The following MYO1B variants were observed in gnomAD, a reference collection of about 807,000 sequenced individuals.
MYO1B encodes the protein myosin IB.
In MYO1B, 72 loss-of-function variants were observed where a neutral mutation model predicts 159.7. The observed-to-expected ratio is 0.45, with a 90% CI of 0.37 to 0.55. MYO1B has a LOEUF of 0.55. Ranked by LOEUF, MYO1B falls within the 20% of genes least tolerant of loss-of-function variation. The probability of loss-of-function intolerance (pLI) is 0.00; values close to 1 mark genes in which losing one functional copy is unlikely to be tolerated. For missense variants in MYO1B, 1,062 were observed against 1,364.8 expected (o/e 0.78, Z 3.50); for synonymous variants, 468 against 473.8 (o/e 0.99, Z 0.16).
chr2:191,293,390 G>A (rs1688796056), intron 2 of MYO1B, among the ~76,000 whole-genome samples: 1 of 152,202 alleles, frequency 6.6e-6, no homozygotes, highest in South Asian at 2.1e-4. Flanking sequence ...CAGACCACAA[G>A]AGAGGGTTCT....
chr2:191,398,421 T>TG (rs1424689284), intron 21 of MYO1B, among the ~76,000 whole-genome samples: 1 of 39,440 alleles, frequency 2.5e-5, no homozygotes, highest in Non-Finnish European at 1.1e-4. Flanking sequence ...GGCGGGGGGC[T>TG]GACCCCCCCC....
chr2:191,273,923 C>T (rs1168772004), intron 1 of MYO1B, among the ~76,000 whole-genome samples: 1 of 152,166 alleles, frequency 6.6e-6, no homozygotes, highest in Non-Finnish European at 1.5e-5. Context: ...ACAAATGGAT[C>T]CTTTTGGTGG....
At chr2:191,296,302 C>A (rs59993342) in intron 3 of MYO1B, 76 bp downstream of exon 3, 14 of 668,012 alleles carry the variant, frequency 2.1e-5, no homozygotes, top group South Asian at 5.2e-5. Context: ...GCAGCTGTCT[C>A]CTTTGAATTT....
intron 16 of MYO1B, among the ~76,000 whole-genome samples, chr2:191,386,659 A>T (rs1695416014): frequency 6.6e-6 from 1 of 152,136 alleles, no homozygotes; most frequent in Non-Finnish European, 1.5e-5. Flanking sequence ...TTTTCATAAA[A>T]TTGCAAACTT....
Position 191,424,504 on chromosome 2 carries a change from C to A in MYO1B, c.*544C>A, listed in dbSNP as rs1698123721. The A allele has an allele frequency of 6.6e-6, 1 of 152,294 alleles. No homozygotes were observed. The highest frequency in any genetic ancestry group is 1.9e-4 in the East Asian group (1 of 5,202). The allele number at this position is 152,294 out of a possible 1,614,324, so 9.4% of individuals were successfully genotyped here. A position where few individuals can be genotyped will look rare whatever the true frequency, so the allele number is the denominator to read the frequency against. On this transcript the variant is annotated 3_prime_UTR_variant, in exon 31 of 31. Transcript: ENST00000392318. The stretch of plus-strand genomic sequence containing the variant: ...TAATGATGGACAGCATTATTAGGAA[C>A]CCTGTAGTATGATATTTAACAATAT...
At chr2:191,350,593 A>G (rs1281590752) in intron 7 of MYO1B, among the ~76,000 whole-genome samples, 8 of 152,042 alleles carry the variant, frequency 5.3e-5, no homozygotes, top group Non-Finnish European at 2.9e-5. Context: ...TAAAAAAAAT[A>G]TAAATAATTG....
At chr2:191,396,375 A>G (rs1696071304) in intron 20 of MYO1B, 54 bp from the exon 21 acceptor site, 14 of 1,560,868 alleles carry the variant, frequency 9.0e-6, no homozygotes, top group Admixed American at 3.3e-5. Flanking sequence ...CAATCCTTGT[A>G]TGCGTTACAG....
In MYO1B at chr2:191,309,035, C is replaced by A. The variant is rs115070878; in HGVS notation, c.251+12809C>A. ...GATGAGCCTACGTGGGCTTCAAATA[C>A]CCTCTGTGTGCTGATGATGCCTCCC... On this transcript the variant is annotated intron_variant, in intron 3 of 30. Transcript: ENST00000392318. Among the ~76,000 whole-genome samples the A allele has an allele frequency of 1.6e-3, 244 of 152,252 alleles. 1 individual carries two copies. The highest frequency in any genetic ancestry group is 5.6e-3 in the African/African-American group (232 of 41,556).
At chr2:191,395,451 G>A (rs769887936) in intron 20 of MYO1B, among the ~76,000 whole-genome samples, 2 of 152,172 alleles carry the variant, frequency 1.3e-5, no homozygotes, top group Non-Finnish European at 2.9e-5. Flanking sequence ...CATCTCTCCC[G>A]CCTCAGAGAA....
chr2:191,357,128 A>G (rs897967755), intron 7 of MYO1B, among the ~76,000 whole-genome samples: 13 of 152,194 alleles, frequency 8.5e-5, no homozygotes, highest in Non-Finnish European at 1.5e-4. Context: ...TCTCTGTTAC[A>G]TCCTAAAGTA....
chr2:191,286,357 A>C lies in MYO1B; in HGVS notation c.135+9327A>C, dbSNP rs1352510649. ...CTGTGTCTTTAAAAAAAAAAAAAAG[A>C]CCGAGGCCCTCTGCAAGGAAATTTG... On this transcript the variant is annotated intron_variant, in intron 2 of 30. Coordinates refer to ENST00000392318, the MANE Select transcript of MYO1B (RefSeq NM_001130158.3). Among the ~76,000 whole-genome samples the C allele has an allele frequency of 7.3e-5, 11 of 151,398 alleles. No homozygotes were observed. The East Asian group carries it at 2.1e-3, about 29-fold the overall frequency.
At chr2:191,421,068 ATCT>A (rs1697904316) in intron 30 of MYO1B, among the ~76,000 whole-genome samples, 1 of 112,198 alleles carries the variant, frequency 8.9e-6, no homozygotes, top group African/African-American at 3.1e-5. Context: ...TCTAGTGTGA[ATCT>A]TTTTTTTTTT....
chr2:191,278,315 T>A (rs1574322370), intron 2 of MYO1B, among the ~76,000 whole-genome samples: 1 of 152,346 alleles, frequency 6.6e-6, no homozygotes, highest in East Asian at 1.9e-4. Flanking sequence ...ATCCCATTCA[T>A]GAGAGCTCTG....
At chr2:191,284,369 A>T (rs1045198121) in intron 2 of MYO1B, among the ~76,000 whole-genome samples, 25 of 152,168 alleles carry the variant, frequency 1.6e-4, no homozygotes, top group African/African-American at 5.3e-4. Context: ...ATGACATGGC[A>T]TACTGGGAAA....
Position 191,387,462 on chromosome 2 carries a change from A to G in MYO1B, c.1781+12A>G, listed in dbSNP as rs1431647485. On this transcript the variant is annotated intron_variant, in intron 17 of 30. Transcript: ENST00000392318. The stretch of plus-strand genomic sequence containing the variant: ...CCAAACTATATTAGGTATTTTTGGC[A>G]CATGAAACTTTCACAGTTCAAATGT... 3.1e-6 allele frequency: 5 copies of G among 1,611,072 alleles called. No homozygotes were observed. Among genetic ancestry groups the G allele is most frequent in the Non-Finnish European group, 1.7e-6 (2 of 1,177,140 alleles).
At chr2:191,295,311 G>T (rs963512914) in intron 2 of MYO1B, among the ~76,000 whole-genome samples, 1 of 152,146 alleles carries the variant, frequency 6.6e-6, no homozygotes, top group Non-Finnish European at 1.5e-5. Context: ...GTGCTGCCAG[G>T]AATTTAGGGT....
At chr2:191,292,666 TC>T (rs1688754484) in intron 2 of MYO1B, among the ~76,000 whole-genome samples, 1 of 149,442 alleles carries the variant, frequency 6.7e-6, no homozygotes, top group Non-Finnish European at 1.5e-5. Flanking sequence ...GACCCCCACT[TC>T]CCATCATGGC....
intron 24 of MYO1B, among the ~76,000 whole-genome samples, chr2:191,407,205 A>G (rs540059561): frequency 1.3e-5 from 2 of 152,322 alleles, no homozygotes; most frequent in Admixed American, 6.5e-5. Flanking sequence ...CTGTAAACTG[A>G]ATTTGGATAG....
chr2:191,400,351 AT>A, intron 21 of MYO1B, 30 bp from the exon 22 acceptor site: 1 of 1,610,268 alleles, frequency 6.2e-7, no homozygotes, highest in South Asian at 1.1e-5. Flanking sequence ...ATTTTTAAAC[AT>A]TCTCTCTTTT....
Sources: allele counts gnomAD v4.1 joint callset (sites outside exome capture counted in the v4.1 genomes callset), GRCh38; gene constraint gnomAD v4.1.1; transcripts MANE v1.5; gene names NCBI Gene and HGNC (gene_info 2026-07-23, HGNC 2026-07-21).